The following SUV39H2 variants were observed in gnomAD, a reference collection of about 807,000 sequenced individuals.
SUV39H2 encodes the protein SUV39H2 histone lysine methyltransferase, also known as histone-lysine N-methyltransferase SUV39H2.
A neutral mutation model predicts 47.5 loss-of-function variants in SUV39H2; 10 were observed. That is an observed-to-expected ratio of 0.21 (90% CI 0.13 to 0.36). SUV39H2 has a LOEUF of 0.36. Ranked by LOEUF, SUV39H2 falls within the 10% of genes least tolerant of loss-of-function variation. SUV39H2 has a pLI of 1.00. For synonymous variants in SUV39H2, 159 were observed against 166.8 expected, an observed-to-expected ratio of 0.95 and a Z score of 0.36; for missense variants, 266 against 487.4, an observed-to-expected ratio of 0.55 and a Z score of 4.28.
intron 2 of SUV39H2, among the ~76,000 whole-genome samples, chr10:14,883,048 T>C (rs140609573): frequency 0.046 from 7,056 of 152,044 alleles, 191 homozygotes; most frequent in Admixed American, 0.075. Flanking sequence ...TTGTATTTTT[T>C]AGTAGAGATG....
At chr10:14,892,643 T>C (rs1227395561) in intron 2 of SUV39H2, among the ~76,000 whole-genome samples, 1 of 152,106 alleles carries the variant, frequency 6.6e-6, no homozygotes, top group Non-Finnish European at 1.5e-5. Context: ...GATAATGCCT[T>C]AGGTTGCTAC....
intron 1 of SUV39H2, among the ~76,000 whole-genome samples, chr10:14,880,877 T>C (rs1833021833): frequency 6.6e-6 from 1 of 152,252 alleles, no homozygotes; most frequent in Non-Finnish European, 1.5e-5. Flanking sequence ...AACTGGAGTT[T>C]ATTCACCTTG....
chr10:14,879,154 T>A (rs1033171431), intron 1 of SUV39H2: 2 of 1,211,618 alleles, frequency 1.7e-6, no homozygotes, highest in East Asian at 3.4e-5. Flanking sequence ...CCTGGGGCAC[T>A]TCGGAAGTGG....
intron 2 of SUV39H2, among the ~76,000 whole-genome samples, chr10:14,883,443 G>A (rs763114015): frequency 2.0e-5 from 3 of 151,772 alleles, no homozygotes; most frequent in Middle Eastern, 3.4e-3. Context: ...GGTGGCTCAC[G>A]CCTGTAATCC....
At chr10:14,891,323 G>C (rs1358345821) in intron 2 of SUV39H2, among the ~76,000 whole-genome samples, 1 of 152,218 alleles carries the variant, frequency 6.6e-6, no homozygotes, top group East Asian at 1.9e-4. Flanking sequence ...GATGGAGCCA[G>C]AGAGGCATCA....
intron 2 of SUV39H2, among the ~76,000 whole-genome samples, chr10:14,895,585 G>C (rs1424643554): frequency 6.6e-6 from 1 of 152,192 alleles, no homozygotes; most frequent in Non-Finnish European, 1.5e-5. Context: ...TTGTTGCCAA[G>C]GCATCGTGGC....
chr10:14,890,227 T>C (rs932191847), intron 2 of SUV39H2, among the ~76,000 whole-genome samples: 1 of 152,136 alleles, frequency 6.6e-6, no homozygotes, highest in East Asian at 1.9e-4. Flanking sequence ...TCTAAGAAAA[T>C]ACTTTAACAA....
At chr10:14,898,987 T>C in intron 3 of SUV39H2, 2 of 490,802 alleles carry the variant, frequency 4.1e-6, no homozygotes. Flanking sequence ...ACATCCTAAT[T>C]ATAATGAAAG....
At chr10:14,899,139 G>A (rs1833812168) in intron 3 of SUV39H2, 1 of 684,430 alleles carries the variant, frequency 1.5e-6, no homozygotes, top group African/African-American at 1.8e-5. Context: ...GGGCAACATA[G>A]TGAGACCCCA....
At chr10:14,879,076 C>T (rs961841157) in intron 1 of SUV39H2, 157 bp downstream of exon 1, 86 of 1,291,496 alleles carry the variant, frequency 6.7e-5, no homozygotes, top group Non-Finnish European at 8.0e-5. Flanking sequence ...GACGCCTATC[C>T]TCCCCCAGGC....
At position 14,903,934 on chromosome 10, in the gene SUV39H2, C is replaced by G. The variant is rs540412361; in HGVS notation, c.*1422C>G. 3.3e-5 allele frequency: 5 copies of G among 152,218 alleles called. No homozygotes were observed. The South Asian group carries it at 6.2e-4, about 19-fold the overall frequency. 9.4% of individuals were successfully genotyped at this position (152,218 alleles called of 1,614,324 possible). On this transcript the variant is annotated 3_prime_UTR_variant, in exon 6 of 6. Transcript: ENST00000354919. The stretch of plus-strand genomic sequence containing the variant: ...GACTTTATTCATTATATTGCTATGA[C>G]AACTTCACTCTTTCATAATATATAG...
intron 2 of SUV39H2, among the ~76,000 whole-genome samples, chr10:14,890,265 A>AT (rs1833345875): frequency 6.6e-6 from 1 of 152,208 alleles, no homozygotes; most frequent in South Asian, 2.1e-4. Flanking sequence ...ACTTTTTTCA[A>AT]TTCTGGGTGT....
chr10:14,901,861 T>G (rs1195333093), intron 5 of SUV39H2, among the ~76,000 whole-genome samples: 1 of 152,118 alleles, frequency 6.6e-6, no homozygotes, highest in Non-Finnish European at 1.5e-5. Flanking sequence ...ATTTTTGAAT[T>G]TTTACTGAGA....
chr10:14,882,889 C>G (rs1192907307), intron 2 of SUV39H2, among the ~76,000 whole-genome samples: 1 of 150,248 alleles, frequency 6.7e-6, no homozygotes, highest in African/African-American at 2.5e-5. Context: ...TTTAAAGGCC[C>G]AGAGTCTCGC....
chr10:14,888,518 C>T (rs191866998), intron 2 of SUV39H2, among the ~76,000 whole-genome samples: 2 of 152,184 alleles, frequency 1.3e-5, no homozygotes, highest in Admixed American at 1.3e-4. Flanking sequence ...TGCCTATAAT[C>T]CCAGCTGCTT....
intron 2 of SUV39H2, among the ~76,000 whole-genome samples, chr10:14,895,560 A>G (rs553469912): frequency 2.7e-4 from 41 of 152,338 alleles, no homozygotes; most frequent in African/African-American, 8.9e-4. Flanking sequence ...TGAAAAGACA[A>G]GATACCATGG....
Position 14,902,389 on chromosome 10 carries a change from T to C in SUV39H2, c.1127-17T>C. The C allele has an allele frequency of 3.3e-6, 5 of 1,535,890 alleles. No homozygotes were observed. The highest frequency in any genetic ancestry group is 4.4e-6 in the Non-Finnish European group (5 of 1,130,608). ...CTTAACTCTCTTTCTCCTATATTTC[T>C]TTTTCTGTGTCTTCAGGTTCTGGAG... On this transcript the variant is annotated splice_polypyrimidine_tract_variant and intron_variant, in intron 5 of 5. Coordinates refer to ENST00000354919, the MANE Select transcript of SUV39H2 (RefSeq NM_001193424.2).
intron 4 of SUV39H2, 133 bp downstream of exon 4, chr10:14,899,818 C>T: frequency 1.8e-6 from 2 of 1,099,184 alleles, no homozygotes; most frequent in Non-Finnish European, 2.5e-6. Flanking sequence ...ATAAGGAGGG[C>T]AGCTTCTGTT....
intron 2 of SUV39H2, among the ~76,000 whole-genome samples, chr10:14,884,694 C>T (rs1833150102): frequency 1.3e-5 from 2 of 152,176 alleles, no homozygotes; most frequent in Admixed American, 6.5e-5. Flanking sequence ...GAAGACCTTG[C>T]ATCTTATTCA....
Sources: allele counts gnomAD v4.1 joint callset (sites outside exome capture counted in the v4.1 genomes callset), GRCh38; gene constraint gnomAD v4.1.1; transcripts MANE v1.5; gene names NCBI Gene and HGNC (gene_info 2026-07-23, HGNC 2026-07-21).